The following DDX6 variants were observed in gnomAD, a reference collection of about 807,000 sequenced individuals.
DDX6 encodes the protein DEAD-box helicase 6.
A neutral mutation model predicts 60.6 loss-of-function variants in DDX6; 7 were observed. The observed-to-expected ratio is 0.12, with a 90% confidence interval of 0.07 to 0.22. The LOEUF is 0.22. Among genes scored for constraint, DDX6 ranks in the 10% least tolerant of loss-of-function variants. DDX6 has a pLI of 1.00. For missense variants in DDX6, 270 were observed against 589.9 expected, an observed-to-expected ratio of 0.46 and a Z score of 5.62; for synonymous variants, 207 against 201.0, an observed-to-expected ratio of 1.03 and a Z score of -0.25.
Position 118,755,389 on chromosome 11 carries a change from C to CT in DDX6, c.1276+12dup, listed in dbSNP as rs781891325. ...AGAACTTCTACCAAGAATATCACCT[C>CT]TTTTTTCCTCACCTGATCTTCCAAT... On this transcript the variant is annotated intron_variant, in intron 12 of 13. Transcript: ENST00000534980. 2.1e-4 allele frequency: 333 copies of CT among 1,558,858 alleles called. 1 individual carries two copies. The highest frequency in any genetic ancestry group is 7.4e-5 in the Non-Finnish European group (84 of 1,132,784).
Position 118,779,752 on chromosome 11 carries a change from G to C in DDX6, c.265-16C>G, listed in dbSNP as rs782339516. The C allele has an allele frequency of 1.9e-6, 3 of 1,549,946 alleles. No homozygotes were observed. The highest frequency in any genetic ancestry group is 1.7e-4 in the Middle Eastern group (1 of 5,938). On this transcript the variant is annotated splice_polypyrimidine_tract_variant and intron_variant, in intron 3 of 13. Transcript: ENST00000534980. The stretch of plus-strand genomic sequence containing the variant: ...AGGTCACATCCTAGTCAAACAAAAA[G>C]GAACAATAAAAGAATAAATAACACT...
chr11:118,790,581 C>A (rs1002354049), intron 1 of DDX6, among the ~76,000 whole-genome samples: 1 of 152,130 alleles, frequency 6.6e-6, no homozygotes, highest in East Asian at 1.9e-4. Context: ...CCACCATCAT[C>A]CCCCTAAGTC....
intron 7 of DDX6, among the ~76,000 whole-genome samples, chr11:118,762,310 A>G (rs1427319984): frequency 7.0e-6 from 1 of 142,746 alleles, no homozygotes; most frequent in African/African-American, 2.6e-5. Context: ...AATAAACCTC[A>G]ACCCAAATGT....
intron 3 of DDX6, among the ~76,000 whole-genome samples, chr11:118,780,635 AG>A (rs1861866505): frequency 6.6e-6 from 1 of 152,194 alleles, no homozygotes; most frequent in African/African-American, 2.4e-5. Context: ...CAGTCTCCTA[AG>A]GACTGGTGGA....
intron 7 of DDX6, among the ~76,000 whole-genome samples, chr11:118,762,724 G>A (rs782548204): frequency 6.6e-6 from 1 of 152,136 alleles, no homozygotes; most frequent in Admixed American, 6.6e-5. Context: ...ACCATCTTAA[G>A]TCAGGGACCA....
intron 7 of DDX6, 37 bp from the exon 8 acceptor site, chr11:118,760,081 AAAT>A: frequency 1.3e-6 from 2 of 1,596,516 alleles, no homozygotes; most frequent in South Asian, 2.2e-5. Context: ...AAAAACAATA[AAAT>A]AATGTCTAAG....
intron 11 of DDX6, among the ~76,000 whole-genome samples, chr11:118,756,016 T>TC (rs58124280): frequency 0.021 from 1,688 of 80,818 alleles, 48 homozygotes; most frequent in South Asian, 0.06. Flanking sequence ...TCCATCCCCC[T>TC]CCCCCCCCCC....
At chr11:118,758,277 C>A (rs1555159410) in intron 9 of DDX6, among the ~76,000 whole-genome samples, 2 of 152,172 alleles carry the variant, frequency 1.3e-5, no homozygotes. Flanking sequence ...AGAAACTATT[C>A]AAAAGTGTAT....
rs1555159721 is a variant in DDX6, at chr11:118,759,552, T to A, written c.864+370A>T. Reference sequence around the variant, plus strand: ...TTCAAAATCCAAAGAACATTTCCTTTTAGCATCATGTTCGTGGCTCAAAAG... The same window carrying A: ...TTCAAAATCCAAAGAACATTTCCTTATAGCATCATGTTCGTGGCTCAAAAG... On this transcript the variant is annotated intron_variant, in intron 8 of 13. Transcript: ENST00000534980. Among the ~76,000 whole-genome samples the A allele has an allele frequency of 1.3e-5, 2 of 152,228 alleles. 1 individual carries two copies. The highest frequency in any genetic ancestry group is 4.1e-4 in the South Asian group (2 of 4,836).
chr11:118,757,574 C>T (rs1429651732), intron 9 of DDX6, among the ~76,000 whole-genome samples: 20 of 151,428 alleles, frequency 1.3e-4, no homozygotes, highest in African/African-American at 4.8e-4. Context: ...TATGTGTTTC[C>T]ATTTAAAAAT....
chr11:118,754,562 T>C lies in DDX6; in HGVS notation c.*7+143A>G, dbSNP rs1057236869. The C allele has an allele frequency of 6.0e-6, 4 of 671,280 alleles. No individual in the cohort carries two copies. In the Admixed American group the frequency reaches 9.9e-5, roughly 17 times the overall value. 41.6% of individuals were successfully genotyped at this position (671,280 alleles called of 1,614,324 possible). On this transcript the variant is annotated intron_variant, in intron 13 of 13. Coordinates refer to ENST00000534980, the MANE Select transcript of DDX6 (RefSeq NM_004397.6). ...TGAGACTACAACCTCCCACAAGAGA[T>C]ATTATTTACTGTCATTTATGCTAGT...
intron 9 of DDX6, 115 bp from the exon 10 acceptor site, chr11:118,757,402 A>C: frequency 1.9e-6 from 1 of 535,604 alleles, no homozygotes; most frequent in South Asian, 3.2e-5. Flanking sequence ...TAAAACTTAG[A>C]ATCTCATGAT....
At chr11:118,765,484 T>A in intron 5 of DDX6, 129 bp from the exon 6 acceptor site, 1 of 929,482 alleles carries the variant, frequency 1.1e-6, no homozygotes, top group Non-Finnish European at 1.7e-6. Flanking sequence ...CTCACACCTG[T>A]AACTGCACCT....
At chr11:118,763,150 G>C (rs1409048636) in intron 7 of DDX6, 62 bp downstream of exon 7, 3 of 1,089,350 alleles carry the variant, frequency 2.8e-6, no homozygotes, top group Non-Finnish European at 3.9e-6. Flanking sequence ...TCATTCACTG[G>C]CAGTTATAAG....
intron 7 of DDX6, among the ~76,000 whole-genome samples, chr11:118,760,714 G>C (rs782467369): frequency 6.6e-6 from 1 of 151,744 alleles, no homozygotes; most frequent in Admixed American, 6.6e-5. Flanking sequence ...CCAGGTACTC[G>C]GGAGGCTGGG....
chr11:118,770,929 C>T (rs987929937), intron 4 of DDX6, among the ~76,000 whole-genome samples: 1 of 151,678 alleles, frequency 6.6e-6, no homozygotes, highest in Non-Finnish European at 1.5e-5. Flanking sequence ...ATACTGTTGT[C>T]TTGTTCTTAC....
intron 4 of DDX6, among the ~76,000 whole-genome samples, chr11:118,775,545 AAAAG>A (rs1370048382): frequency 6.6e-6 from 1 of 152,214 alleles, no homozygotes; most frequent in African/African-American, 2.4e-5. Flanking sequence ...GCAATAAAAA[AAAAG>A]AAAAAGGCAA....
At chr11:118,759,768 AAAAC>A (rs1555159751) in intron 8 of DDX6, among the ~76,000 whole-genome samples, 150 bp downstream of exon 8, 1 of 152,152 alleles carries the variant, frequency 6.6e-6, no homozygotes, top group Non-Finnish European at 1.5e-5. Context: ...TAATTTACGT[AAAAC>A]AAATCTTTAA....
Position 118,750,094 on chromosome 11 carries a change from A to G in DDX6, c.*2011T>C, listed in dbSNP as rs1555156824. 1 of 152,650 alleles carries G rather than the reference A, an allele frequency of 6.6e-6. No homozygotes were observed. Among genetic ancestry groups the G allele is most frequent in the African/African-American group, 2.4e-5 (1 of 41,462 alleles). 9.5% of individuals were successfully genotyped at this position (152,650 alleles called of 1,614,324 possible). A position where few individuals can be genotyped will look rare whatever the true frequency, so the allele number is the denominator to read the frequency against. On this transcript the variant is annotated 3_prime_UTR_variant, in exon 14 of 14. Coordinates refer to ENST00000534980, the MANE Select transcript of DDX6 (RefSeq NM_004397.6). ...AGTAATTGATTCCTTTGTCCAAAAGAGTTAAAACATTAAAGTATATGCGGG... is the reference window on the plus strand; with the variant it reads ...AGTAATTGATTCCTTTGTCCAAAAGGGTTAAAACATTAAAGTATATGCGGG...
Sources: gnomAD v4.1 joint callset for allele counts (sites outside exome capture counted in the v4.1 genomes callset) on GRCh38, gnomAD v4.1.1 for gene constraint, MANE v1.5 for transcripts, NCBI Gene and HGNC (gene_info 2026-07-23, HGNC 2026-07-21) for gene names.